ZCCHC14: variants seen among roughly 807,000 people sequenced by gnomAD.
The protein encoded by ZCCHC14 is zinc finger CCHC-type containing 14, also known as zinc finger CCHC domain-containing protein 14.
ZCCHC14 carries 16 observed loss-of-function variants against 85.0 expected under a neutral mutation model. That is an observed-to-expected ratio of 0.19 (90% CI 0.13 to 0.29). ZCCHC14 has a LOEUF of 0.29. Among genes scored for constraint, ZCCHC14 ranks in the 10% least tolerant of loss-of-function variants. The probability of loss-of-function intolerance (pLI) is 1.00; values close to 1 mark genes in which losing one functional copy is unlikely to be tolerated. For synonymous variants in ZCCHC14, 775 were observed against 630.7 expected, an observed-to-expected ratio of 1.23 and a Z score of -3.43; for missense variants, 1,303 against 1,443.5, an observed-to-expected ratio of 0.90 and a Z score of 1.58.
At position 87,407,031 on chromosome 16, in the gene ZCCHC14, G is replaced by A. The variant is rs1908232410; in HGVS notation, c.*3249C>T. 6.6e-6 allele frequency: 1 copy of A among 152,296 alleles called. No homozygotes were observed. The highest frequency in any genetic ancestry group is 1.5e-5 in the Non-Finnish European group (1 of 68,104). 9.4% of individuals were successfully genotyped at this position (152,296 alleles called of 1,614,324 possible). On this transcript the variant is annotated 3_prime_UTR_variant, in exon 13 of 13. Transcript: ENST00000671377. Reference sequence around the variant, plus strand: ...AATAAAACACTGGGAAGCAGGAAGAGTGACAAGAAAATGACAGGGAGCAAG... The same window carrying A: ...AATAAAACACTGGGAAGCAGGAAGAATGACAAGAAAATGACAGGGAGCAAG...
intron 3 of ZCCHC14, among the ~76,000 whole-genome samples, chr16:87,429,623 T>C (rs1026493063): frequency 1.3e-5 from 2 of 152,206 alleles, no homozygotes; most frequent in African/African-American, 4.8e-5. Context: ...TCTTTTTTTT[T>C]CCCAGGCAGT....
intron 3 of ZCCHC14, among the ~76,000 whole-genome samples, chr16:87,426,646 G>A (rs1909385704): frequency 6.6e-6 from 1 of 152,196 alleles, no homozygotes; most frequent in African/African-American, 2.4e-5. Flanking sequence ...GGCTCAGCCA[G>A]GCACCTCTGG....
At chr16:87,440,599 A>ATATT (rs1910136044) in intron 2 of ZCCHC14, among the ~76,000 whole-genome samples, 2 of 151,990 alleles carry the variant, frequency 1.3e-5, no homozygotes, top group African/African-American at 2.4e-5. Flanking sequence ...CTGATTCCTC[A>ATATT]CAACAAAATA....
chr16:87,436,568 CACA>C lies in ZCCHC14; in HGVS notation c.695-3370_695-3368del, dbSNP rs1909933204. Among the ~76,000 whole-genome samples, 4 of 152,332 alleles carry C rather than the reference CACA, an allele frequency of 2.6e-5. No individual in the cohort carries two copies. The South Asian group carries it at 8.3e-4, about 32-fold the overall frequency. On this transcript the variant is annotated intron_variant, in intron 2 of 12. Coordinates refer to ENST00000671377, the MANE Select transcript of ZCCHC14 (RefSeq NM_015144.3). Reference sequence around the variant, plus strand: ...CATTAGACGCTGTGATTCGAAAAACCACAACAAGAAAAAAGGCTGATAGAGCAG... The same window carrying C: ...CATTAGACGCTGTGATTCGAAAAACCACAAGAAAAAAGGCTGATAGAGCAG...
intron 2 of ZCCHC14, among the ~76,000 whole-genome samples, chr16:87,456,395 T>C (rs1910963134): frequency 6.6e-6 from 1 of 151,744 alleles, no homozygotes; most frequent in Admixed American, 6.6e-5. Flanking sequence ...CCGGGCGTGG[T>C]GGCCGGCACC....
chr16:87,440,708 G>A (rs1028898860), intron 2 of ZCCHC14, among the ~76,000 whole-genome samples: 3 of 152,036 alleles, frequency 2.0e-5, no homozygotes, highest in Non-Finnish European at 4.4e-5. Flanking sequence ...CTGGGTCCAA[G>A]TGATCCACCC....
intron 1 of ZCCHC14, among the ~76,000 whole-genome samples, chr16:87,462,147 T>C (rs1490126794): frequency 2.7e-5 from 4 of 149,788 alleles, no homozygotes; most frequent in Admixed American, 6.6e-5. Flanking sequence ...GTCCTAGCCA[T>C]GCAGCAACTC....
intron 3 of ZCCHC14, among the ~76,000 whole-genome samples, chr16:87,426,942 G>A (rs565946359): frequency 3.3e-5 from 5 of 152,300 alleles, no homozygotes; most frequent in Admixed American, 2.6e-4. Flanking sequence ...GGAATGAAAC[G>A]CTCAACTAAA....
intron 2 of ZCCHC14, among the ~76,000 whole-genome samples, chr16:87,444,798 C>A (rs1319315090): frequency 6.6e-6 from 1 of 152,094 alleles, no homozygotes; most frequent in Non-Finnish European, 1.5e-5. Flanking sequence ...CCAAATGCAC[C>A]CTGGGATTCC....
rs1908581870 is a variant in ZCCHC14 at position 87,413,293 on chromosome 16, C to T, written c.1604-98G>A. 3 of 1,414,408 alleles carry T rather than the reference C, an allele frequency of 2.1e-6. No individual in the cohort carries two copies. In the Admixed American group the frequency reaches 8.6e-5, roughly 40 times the overall value. The allele number at this position is 1,414,408 out of a possible 1,614,324, so 87.6% of individuals were successfully genotyped here. On this transcript the variant is annotated intron_variant, in intron 10 of 12. Transcript: ENST00000671377. ...TCGCACTGTCGGCAGGTGCTCCTTC[C>T]AGGGAAACGCAGGGCTCTGAGAGTC...
rs1912745031 is a variant in ZCCHC14, at chr16:87,491,212, C to CGCGGATCCTCGGACCCAGGGCCCCT, written c.570+432_570+456dup. On this transcript the variant is annotated intron_variant, in intron 1 of 12. Transcript: ENST00000671377. The surrounding 1 kb of genome is among the most constrained non-coding windows in gnomAD (Gnocchi z 5.9). ...CCGCGGACGTCTCCCGCACCGCTCC[C>CGCGGATCCTCGGACCCAGGGCCCCT]GCGGATCCTCGGACCCAGGGCCCCT... Among the ~76,000 whole-genome samples, 2 of 152,354 alleles carry CGCGGATCCTCGGACCCAGGGCCCCT rather than the reference C, an allele frequency of 1.3e-5. No individual in the cohort carries two copies. The highest frequency in any genetic ancestry group is 4.8e-5 in the African/African-American group (2 of 41,582).
rs1310052574 is a variant in ZCCHC14, at chr16:87,492,893, G to A, written c.-655C>T. 6.7e-6 allele frequency among the ~76,000 whole-genome samples: 1 copy of A among 148,428 alleles called. No homozygotes were observed. Among genetic ancestry groups the A allele is most frequent in the Non-Finnish European group, 1.5e-5 (1 of 66,632 alleles). ...CCTTGCTGCTCCCGCGCGGCGGACG[G>A]ATCCGGGCCCGAGCGCGGCGGCGGC... On this transcript the variant is annotated 5_prime_UTR_variant, in exon 1 of 13. Coordinates refer to ENST00000671377, the MANE Select transcript of ZCCHC14 (RefSeq NM_015144.3). This position sits in a 1 kb window ranked among gnomAD's most constrained non-coding sequence, Gnocchi z 6.7.
intron 3 of ZCCHC14, among the ~76,000 whole-genome samples, chr16:87,427,649 CTTTT>C (rs1326426382): frequency 1.3e-5 from 2 of 151,428 alleles, no homozygotes; most frequent in Non-Finnish European, 2.9e-5. Context: ...CATTTTTTTT[CTTTT>C]TTGAGACAAG....
intron 4 of ZCCHC14, among the ~76,000 whole-genome samples, chr16:87,423,562 C>T (rs758743042): frequency 4.6e-5 from 7 of 152,156 alleles, no homozygotes; most frequent in African/African-American, 2.4e-5. Flanking sequence ...TCATGCCCGG[C>T]GCATCTCTCA....
At chr16:87,464,740 T>C (rs191008221) in intron 1 of ZCCHC14, among the ~76,000 whole-genome samples, 1 of 152,248 alleles carries the variant, frequency 6.6e-6, no homozygotes, top group Non-Finnish European at 1.5e-5. Flanking sequence ...ATCGTAACTT[T>C]GTTCCTTTGT....
intron 2 of ZCCHC14, among the ~76,000 whole-genome samples, chr16:87,444,775 G>A (rs1330100288): frequency 1.3e-5 from 2 of 152,170 alleles, no homozygotes; most frequent in Non-Finnish European, 2.9e-5. Context: ...GCTACTGAAG[G>A]ATACAAAGGA....
At chr16:87,452,936 C>G (rs1312770936) in intron 2 of ZCCHC14, among the ~76,000 whole-genome samples, 1 of 152,190 alleles carries the variant, frequency 6.6e-6, no homozygotes, top group African/African-American at 2.4e-5. Context: ...CACACATGTG[C>G]CCACGCCCAA....
At chr16:87,478,401 G>A (rs145854288) in intron 1 of ZCCHC14, among the ~76,000 whole-genome samples, 1 of 152,320 alleles carries the variant, frequency 6.6e-6, no homozygotes, top group Non-Finnish European at 1.5e-5. Context: ...GAGTCGGGGT[G>A]CAGAGAAGGT....
intron 1 of ZCCHC14, among the ~76,000 whole-genome samples, chr16:87,488,838 A>T (rs576127374): frequency 2.6e-5 from 4 of 152,256 alleles, no homozygotes; most frequent in Non-Finnish European, 4.4e-5. Context: ...TTGACCTCCC[A>T]AACTTCCGGG....
Sources: allele counts gnomAD v4.1 joint callset (sites outside exome capture counted in the v4.1 genomes callset), GRCh38; gene constraint gnomAD v4.1.1; non-coding constraint Gnocchi (gnomAD v3.1); transcripts MANE v1.5; gene names NCBI Gene and HGNC (gene_info 2026-07-23, HGNC 2026-07-21).